The following VRK1 variants were observed in gnomAD, a reference collection of about 807,000 sequenced individuals.
VRK1 encodes VRK serine/threonine kinase 1.
A neutral mutation model predicts 57.1 loss-of-function variants in VRK1; 33 were observed. That is an observed-to-expected ratio of 0.58 (90% confidence interval 0.44 to 0.77). VRK1 has a LOEUF of 0.77. Ranked by LOEUF, VRK1 falls within the 30% of genes least tolerant of loss-of-function variation. The probability of loss-of-function intolerance (pLI) is 0.00; values close to 1 mark genes in which losing one functional copy is unlikely to be tolerated. For missense variants in VRK1, 413 were observed against 477.3 expected, an observed-to-expected ratio of 0.87 and a Z score of 1.25; for synonymous variants, 137 against 147.8, an observed-to-expected ratio of 0.93 and a Z score of 0.53.
At chr14:96,872,799 A>G (rs1407184680) in intron 11 of VRK1, among the ~76,000 whole-genome samples, 1 of 152,208 alleles carries the variant, frequency 6.6e-6, no homozygotes, top group Non-Finnish European at 1.5e-5. Context: ...ACCTTCATAG[A>G]AGATGTGTCC....
chr14:96,809,813 T>C lies in VRK1; in HGVS notation c.-6+12366T>C, dbSNP rs563196535. Among the ~76,000 whole-genome samples, 6 of 152,284 alleles carry C rather than the reference T, an allele frequency of 3.9e-5. No individual in the cohort carries two copies. In the East Asian group the frequency reaches 1.2e-3, roughly 29 times the overall value. On this transcript the variant is annotated intron_variant, in intron 1 of 12. Transcript: ENST00000216639. ...GACTCCAACTCCTGACCTCAAGTGATCTGCCTGCTTCGGCCTCCCTAAGCG... is the reference window on the plus strand; with the variant it reads ...GACTCCAACTCCTGACCTCAAGTGACCTGCCTGCTTCGGCCTCCCTAAGCG...
At chr14:96,803,448 G>C (rs1885747541) in intron 1 of VRK1, among the ~76,000 whole-genome samples, 1 of 152,142 alleles carries the variant, frequency 6.6e-6, no homozygotes, top group African/African-American at 2.4e-5. Context: ...TGGGACTGCA[G>C]GGAGTGAGCC....
At chr14:96,836,393 T>G (rs956155531) in intron 2 of VRK1, among the ~76,000 whole-genome samples, 5 of 152,076 alleles carry the variant, frequency 3.3e-5, no homozygotes, top group African/African-American at 9.7e-5. Context: ...TGTTACCTGT[T>G]AAGCCCATCG....
At chr14:96,870,778 A>G (rs745512806) in intron 11 of VRK1, among the ~76,000 whole-genome samples, 1 of 152,180 alleles carries the variant, frequency 6.6e-6, no homozygotes, top group Non-Finnish European at 1.5e-5. Flanking sequence ...AGATCATGTA[A>G]TCAAGGGTTA....
At chr14:96,851,839 A>G (rs1336785775) in intron 5 of VRK1, among the ~76,000 whole-genome samples, 1 of 152,268 alleles carries the variant, frequency 6.6e-6, no homozygotes, top group Non-Finnish European at 1.5e-5. Context: ...AAATGCATTA[A>G]TAACGTTTTA....
At chr14:96,865,423 G>A (rs2139824783) in intron 11 of VRK1, among the ~76,000 whole-genome samples, 1 of 152,192 alleles carries the variant, frequency 6.6e-6, no homozygotes, top group South Asian at 2.1e-4. Flanking sequence ...CACACTGTTT[G>A]AACTATTGTC....
intron 1 of VRK1, among the ~76,000 whole-genome samples, chr14:96,812,736 C>G (rs530361465): frequency 1.6e-4 from 24 of 152,000 alleles, no homozygotes; most frequent in African/African-American, 5.3e-4. Context: ...TTTTCAAGCC[C>G]TTTTATGTTT....
rs1242409469 is a variant in VRK1 at position 96,817,898 on chromosome 14, G to A, written c.-5-15569G>A. Among the ~76,000 whole-genome samples, 4 of 152,310 alleles carry A rather than the reference G, an allele frequency of 2.6e-5. No homozygotes were observed. The East Asian group carries it at 5.8e-4, about 22-fold the overall frequency. The stretch of plus-strand genomic sequence containing the variant: ...ATGGGCCATAAGGTCAAGGAGCCAG[G>A]TGTCACCGCTTTTTGAAGTTGACAT... On this transcript the variant is annotated intron_variant, in intron 1 of 12. Coordinates refer to ENST00000216639, the MANE Select transcript of VRK1 (RefSeq NM_003384.3).
chr14:96,848,498 A>T (rs1887805912), intron 5 of VRK1, among the ~76,000 whole-genome samples: 2 of 152,194 alleles, frequency 1.3e-5, no homozygotes, highest in Non-Finnish European at 2.9e-5. Context: ...TTGGGTAGGC[A>T]GCCAGTGTTG....
intron 1 of VRK1, among the ~76,000 whole-genome samples, chr14:96,815,562 A>G (rs1209105616): frequency 1.3e-5 from 2 of 152,216 alleles, no homozygotes; most frequent in South Asian, 2.1e-4. Flanking sequence ...ATTTAGGTTG[A>G]CATTGTTAGG....
chr14:96,856,839 A>G (rs1247687177), intron 10 of VRK1, among the ~76,000 whole-genome samples: 1 of 152,102 alleles, frequency 6.6e-6, no homozygotes, highest in Non-Finnish European at 1.5e-5. Flanking sequence ...GTGGTGACGC[A>G]CGCCTGTGGT....
chr14:96,822,244 A>T (rs1444735896), intron 1 of VRK1, among the ~76,000 whole-genome samples: 1 of 152,196 alleles, frequency 6.6e-6, no homozygotes, highest in Non-Finnish European at 1.5e-5. Flanking sequence ...GTTCCTGCAC[A>T]GAGTGTGCTG....
At chr14:96,861,987 G>C (rs986511448) in intron 11 of VRK1, among the ~76,000 whole-genome samples, 2 of 152,216 alleles carry the variant, frequency 1.3e-5, no homozygotes, top group Non-Finnish European at 2.9e-5. Flanking sequence ...TAGGTAGCTT[G>C]TATAGTGTTT....
At chr14:96,841,791 C>T (rs1887472558) in intron 3 of VRK1, among the ~76,000 whole-genome samples, 1 of 151,104 alleles carries the variant, frequency 6.6e-6, no homozygotes, top group African/African-American at 2.4e-5. Flanking sequence ...GCTGAGATGG[C>T]ACCATTGCAC....
chr14:96,802,709 A>G (rs1885712082), intron 1 of VRK1, among the ~76,000 whole-genome samples: 2 of 152,224 alleles, frequency 1.3e-5, no homozygotes, highest in East Asian at 3.8e-4. Context: ...AAAAGCTGAC[A>G]TTTCAATAAG....
intron 11 of VRK1, among the ~76,000 whole-genome samples, chr14:96,871,171 T>TTGAACTAG (rs1444838273): frequency 2.0e-5 from 3 of 152,226 alleles, no homozygotes; most frequent in African/African-American, 4.8e-5. Context: ...GTGGGATACC[T>TTGAACTAG]TGAACTAGTG....
chr14:96,871,131 A>G (rs1355213407), intron 11 of VRK1, among the ~76,000 whole-genome samples: 1 of 152,206 alleles, frequency 6.6e-6, no homozygotes. Context: ...TAGTTACAGT[A>G]AATTCTTAAT....
At chr14:96,855,148 T>G in intron 7 of VRK1, 76 bp from the exon 8 acceptor site, 2 of 1,610,230 alleles carry the variant, frequency 1.2e-6, no homozygotes, top group Non-Finnish European at 1.7e-6. Context: ...ATGCCAGTAT[T>G]TTGTTTCTGT....
rs1887676953 is a variant in VRK1, at chr14:96,846,155, C to G, written c.277C>G (p.Pro93Ala). The change falls in exon 4 of 13, where the codon CCA (proline) becomes GCA (alanine). Residue 93 changes from proline (P) to alanine (A), a missense_variant. Physicochemically the swap from Pro to Ala is conservative, Grantham distance 27. Coordinates refer to ENST00000216639, the MANE Select transcript of VRK1 (RefSeq NM_003384.3). ...AAAGTTCTACCAACGAGCTGCAAAA[C>G]CAGAGCAAAGTAAGAAATACAGTAC... is the stretch of plus-strand genomic sequence containing the variant. The part of the protein sequence containing the change: ...ELKFYQRAAK[P>A]EQIQKWIRTR... 1 of 1,613,298 alleles carries G rather than the reference C, an allele frequency of 6.2e-7. No homozygotes were observed. The highest frequency in any genetic ancestry group is 1.1e-5 in the South Asian group (1 of 91,066).
Sources: allele counts gnomAD v4.1 joint callset (sites outside exome capture counted in the v4.1 genomes callset), GRCh38; gene constraint gnomAD v4.1.1; transcripts MANE v1.5; gene names NCBI Gene and HGNC (gene_info 2026-07-23, HGNC 2026-07-21).